Variants in CLDN14 observed in about 807,000 individuals in gnomAD.
CLDN14 encodes the protein claudin 14.
In CLDN14, 2 loss-of-function variants were observed where a neutral mutation model predicts 2.1. That is an observed-to-expected ratio of 0.96 (90% CI 0.39 to 3.01). The LOEUF is 3.01. Ranked by LOEUF, CLDN14 falls within the 30% of genes most tolerant of loss-of-function variation. The probability of loss-of-function intolerance (pLI) is 0.09; values close to 1 mark genes in which losing one functional copy is unlikely to be tolerated. For synonymous variants in CLDN14, 136 were observed against 154.4 expected (o/e 0.88, Z 0.88); for missense variants, 298 against 328.0 (o/e 0.91, Z 0.71).
chr21:36,547,578 G>A (rs1397233476), intron 1 of CLDN14, among the ~76,000 whole-genome samples: 1 of 152,096 alleles, frequency 6.6e-6, no homozygotes, highest in South Asian at 2.1e-4. Context: ...CGCTGCTCCC[G>A]GCATGATGGA....
At chr21:36,469,772 G>A (rs767302912) in intron 1 of CLDN14, among the ~76,000 whole-genome samples, 67 of 152,184 alleles carry the variant, frequency 4.4e-4, no homozygotes, top group Non-Finnish European at 8.2e-4. Flanking sequence ...AACCCTTTCT[G>A]GAGGCATTAT....
In CLDN14 at chr21:36,498,562, T is replaced by C. The variant is rs2087061280; in HGVS notation, c.-82+11801A>G. ...ATGCACTTAATATCAGCAGACTTGT[T>C]GTGAGTATAAGCCTCTATAAACTGA... On this transcript the variant is annotated intron_variant, in intron 2 of 2. Coordinates refer to the CLDN14 transcript ENST00000342108. The surrounding 1 kb of genome is among the most constrained non-coding windows in gnomAD (Gnocchi z 4.9). Among the ~76,000 whole-genome samples the C allele has an allele frequency of 6.6e-6, 1 of 152,148 alleles. No homozygotes were observed. The highest frequency in any genetic ancestry group is 2.4e-5 in the African/African-American group (1 of 41,436).
chr21:36,542,486 G>C (rs1486494120), intron 1 of CLDN14: 1 of 152,252 alleles, frequency 6.6e-6, no homozygotes, highest in Admixed American at 6.5e-5. Flanking sequence ...CCAGTCTGTA[G>C]GCTACAGCCT....
intron 2 of CLDN14, among the ~76,000 whole-genome samples, chr21:36,488,505 C>T (rs930213836): frequency 2.0e-5 from 3 of 152,040 alleles, no homozygotes; most frequent in Admixed American, 6.6e-5. Flanking sequence ...CCCTTGATCT[C>T]GTGATCCACC....
intron 1 of CLDN14, among the ~76,000 whole-genome samples, chr21:36,521,572 G>C (rs781574946): frequency 1.3e-5 from 2 of 152,216 alleles, no homozygotes; most frequent in Non-Finnish European, 2.9e-5. Context: ...ATTGAGTCCT[G>C]TAGAGGGCTT....
In CLDN14 at chr21:36,498,817, G is replaced by A. The variant is rs1024341137; in HGVS notation, c.-82+11546C>T. 6.6e-6 allele frequency among the ~76,000 whole-genome samples: 1 copy of A among 152,160 alleles called. No individual in the cohort carries two copies. Among genetic ancestry groups the A allele is most frequent in the African/African-American group, 2.4e-5 (1 of 41,440 alleles). On this transcript the variant is annotated intron_variant, in intron 2 of 2. Coordinates refer to the CLDN14 transcript ENST00000342108. The surrounding 1 kb of genome is among the most constrained non-coding windows in gnomAD (Gnocchi z 4.9). ...CGTCTGCCTGGACACCATCAGCCCT[G>A]CACGAAGGTGGCCGCTGAGGGGCCC...
chr21:36,488,495 C>T (rs918838460), intron 2 of CLDN14, among the ~76,000 whole-genome samples: 1 of 152,154 alleles, frequency 6.6e-6, no homozygotes, highest in South Asian at 2.1e-4. Flanking sequence ...TGATCTCAAT[C>T]CCTTGATCTC....
chr21:36,476,730 C>T (rs541276302), intron 1 of CLDN14, among the ~76,000 whole-genome samples: 21 of 152,228 alleles, frequency 1.4e-4, no homozygotes, highest in Non-Finnish European at 2.2e-4. Flanking sequence ...GGATTGTAGG[C>T]GTGAGCCACT....
At chr21:36,467,888 G>T (rs1170171025) in intron 1 of CLDN14, among the ~76,000 whole-genome samples, 1 of 152,198 alleles carries the variant, frequency 6.6e-6, no homozygotes, top group Non-Finnish European at 1.5e-5. Flanking sequence ...TCAGCGGGGA[G>T]CTGGGGCACA....
intron 2 of CLDN14, among the ~76,000 whole-genome samples, chr21:36,496,436 C>T (rs1337242867): frequency 2.0e-4 from 19 of 95,468 alleles, no homozygotes; most frequent in Middle Eastern, 6.6e-3. Flanking sequence ...GACCTTGTTT[C>T]AAAAAAAAAA....
chr21:36,480,995 G>A (rs773974559), upstream of CLDN14: 3 of 152,108 alleles, frequency 2.0e-5, no homozygotes, highest in Non-Finnish European at 4.4e-5. Flanking sequence ...GCAGGCATTC[G>A]GAAGCATCTG....
chr21:36,552,704 C>T (rs1000721925), intron 1 of CLDN14, among the ~76,000 whole-genome samples: 1 of 131,352 alleles, frequency 7.6e-6, no homozygotes, highest in Non-Finnish European at 1.7e-5. Flanking sequence ...CAAAACAAAA[C>T]AAAACAAAAA....
chr21:36,470,189 C>T (rs2086693689), intron 1 of CLDN14, among the ~76,000 whole-genome samples: 1 of 152,050 alleles, frequency 6.6e-6, no homozygotes, highest in Admixed American at 6.5e-5. Flanking sequence ...ACCTGGTCCC[C>T]CAAAAGAGAT....
At position 36,467,111 on chromosome 21, in the gene CLDN14, C is replaced by T. The variant is rs2086656183; in HGVS notation, c.-81-5335G>A. ...AGGCCCTTCCAACTGGCTCTGGTTT[C>T]AGGATCACCAGCTCTGAAGGGAGGG... On this transcript the variant is annotated intron_variant, in intron 1 of 1. Coordinates refer to ENST00000399135, the MANE Select transcript of CLDN14 (RefSeq NM_001146079.2). Among the ~76,000 whole-genome samples the T allele has an allele frequency of 2.0e-5, 3 of 152,200 alleles. No individual in the cohort carries two copies. The South Asian group carries it at 6.2e-4, about 32-fold the overall frequency.
At chr21:36,524,189 A>G (rs1272817626) in intron 1 of CLDN14, among the ~76,000 whole-genome samples, 1 of 151,660 alleles carries the variant, frequency 6.6e-6, no homozygotes, top group Non-Finnish European at 1.5e-5. Context: ...CATGATCACA[A>G]CTCACTGCAG....
intron 2 of CLDN14, among the ~76,000 whole-genome samples, chr21:36,496,711 A>G (rs911655899): frequency 3.7e-4 from 18 of 48,066 alleles, no homozygotes; most frequent in African/African-American, 7.6e-4. Flanking sequence ...GGAAGGGAGG[A>G]GGGGAGGAAG....
Position 36,461,457 on chromosome 21 carries a change from G to A in CLDN14, c.239C>T (p.Ala80Val), listed in dbSNP as rs775222236. ...GCAGGAGATGACCATGAGGGCGCGG[G>A]CAGCCTGGAGGTCTTGGGGCAGCGC... ...LLALPQDLQA[A>V]RALMVISCLL... The change falls in exon 2 of 2, where the codon GCC becomes GTC. Residue 80 changes from alanine to valine, a missense_variant. By Grantham distance (64) the Ala-to-Val change is moderately conservative. Coordinates refer to ENST00000399135, the MANE Select transcript of CLDN14 (RefSeq NM_001146079.2). The A allele has an allele frequency of 3.1e-6, 5 of 1,613,360 alleles. No individual in the cohort carries two copies. The highest frequency in any genetic ancestry group is 4.2e-6 in the Non-Finnish European group (5 of 1,179,992).
chr21:36,507,133 A>G (rs2087140997), intron 2 of CLDN14, among the ~76,000 whole-genome samples: 1 of 152,056 alleles, frequency 6.6e-6, no homozygotes, highest in Non-Finnish European at 1.5e-5. Context: ...TTAAAAAAAA[A>G]AAAGCACTAC....
At chr21:36,558,811 A>G (rs1024639254) in intron 1 of CLDN14, among the ~76,000 whole-genome samples, 6 of 151,792 alleles carry the variant, frequency 4.0e-5, no homozygotes, top group African/African-American at 9.7e-5. Flanking sequence ...AGATCATGTC[A>G]TCTGCAAACA....
Sources: allele counts gnomAD v4.1 joint callset (sites outside exome capture counted in the v4.1 genomes callset), GRCh38; gene constraint gnomAD v4.1.1; non-coding constraint Gnocchi (gnomAD v3.1); transcripts MANE v1.5; gene names NCBI Gene and HGNC (gene_info 2026-07-23, HGNC 2026-07-21).